Variants in ZNF385D observed in about 807,000 individuals in gnomAD.
ZNF385D encodes the protein zinc finger protein 385D, also known as zinc finger protein 659.
ZNF385D carries 15 observed loss-of-function variants against 35.8 expected under a neutral mutation model. The observed-to-expected ratio is 0.42, with a 90% confidence interval of 0.28 to 0.64. The LOEUF is 0.64. Among genes scored for constraint, ZNF385D ranks in the 30% least tolerant of loss-of-function variants. ZNF385D has a pLI of 0.23. For synonymous variants in ZNF385D, 212 were observed against 186.8 expected (o/e 1.13, Z -1.10); for missense variants, 474 against 494.6 (o/e 0.96, Z 0.39).
intron 2 of ZNF385D, among the ~76,000 whole-genome samples, chr3:22,343,720 TCA>T (rs2125483421): frequency 6.6e-6 from 1 of 152,322 alleles, no homozygotes; most frequent in African/African-American, 2.4e-5. Context: ...CCTACTAAAG[TCA>T]GTTTTTAATG....
intron 2 of ZNF385D, among the ~76,000 whole-genome samples, chr3:22,338,613 C>T (rs1026577572): frequency 6.6e-6 from 1 of 151,440 alleles, no homozygotes; most frequent in Non-Finnish European, 1.5e-5. Flanking sequence ...GAGTTGCTTT[C>T]ACAGTACAGA....
intron 2 of ZNF385D, among the ~76,000 whole-genome samples, chr3:22,172,166 A>C (rs910584596): frequency 3.9e-5 from 6 of 152,194 alleles, no homozygotes; most frequent in Non-Finnish European, 8.8e-5. Flanking sequence ...CCATTAAGAC[A>C]CTGGAAAGAT....
intron 3 of ZNF385D, among the ~76,000 whole-genome samples, chr3:21,968,463 C>T (rs1201990632): frequency 6.6e-6 from 1 of 152,128 alleles, no homozygotes; most frequent in Non-Finnish European, 1.5e-5. Flanking sequence ...GTCATCCCTC[C>T]CCCAGCCCCA....
intron 3 of ZNF385D, among the ~76,000 whole-genome samples, chr3:22,118,361 T>C (rs555106196): frequency 6.6e-6 from 1 of 152,188 alleles, no homozygotes; most frequent in Non-Finnish European, 1.5e-5. Flanking sequence ...GTAAGAAATC[T>C]TAGAAAACTG....
At chr3:21,464,874 A>G (rs1216226156) in intron 4 of ZNF385D, among the ~76,000 whole-genome samples, 7 of 152,048 alleles carry the variant, frequency 4.6e-5, no homozygotes, top group Non-Finnish European at 1.0e-4. Context: ...TGAAAATGAG[A>G]TATTACCCTT....
chr3:21,736,971 G>A (rs529523875), intron 1 of ZNF385D, among the ~76,000 whole-genome samples: 2 of 152,008 alleles, frequency 1.3e-5, no homozygotes, highest in Non-Finnish European at 2.9e-5. Flanking sequence ...GCGGAGTCTC[G>A]CTCCGTCGCC....
At chr3:21,967,337 T>C (rs1364281391) in intron 3 of ZNF385D, among the ~76,000 whole-genome samples, 1 of 152,230 alleles carries the variant, frequency 6.6e-6, no homozygotes, top group Non-Finnish European at 1.5e-5. Flanking sequence ...AGCAGCTTTA[T>C]CTTAAAGCCA....
At chr3:22,258,070 T>C (rs1284686134) in intron 2 of ZNF385D, among the ~76,000 whole-genome samples, 1 of 151,736 alleles carries the variant, frequency 6.6e-6, no homozygotes, top group African/African-American at 2.4e-5. Flanking sequence ...AGAGGTACAA[T>C]GAGATATAAT....
At chr3:21,798,300 G>C (rs2072243935) in intron 3 of ZNF385D, among the ~76,000 whole-genome samples, 1 of 152,208 alleles carries the variant, frequency 6.6e-6, no homozygotes. Context: ...ATGTCAGCTA[G>C]AACTGCTCTC....
chr3:21,922,852 C>T (rs1023607991), intron 3 of ZNF385D, among the ~76,000 whole-genome samples: 1 of 152,102 alleles, frequency 6.6e-6, no homozygotes, highest in African/African-American at 2.4e-5. Context: ...AGACAACCTA[C>T]AGAATGGGAG....
chr3:22,236,098 G>C (rs1361672023), intron 2 of ZNF385D, among the ~76,000 whole-genome samples: 1 of 151,892 alleles, frequency 6.6e-6, no homozygotes, highest in Non-Finnish European at 1.5e-5. Flanking sequence ...TATACAATCA[G>C]CACAAATAAT....
intron 2 of ZNF385D, among the ~76,000 whole-genome samples, chr3:22,188,054 A>G (rs1346961623): frequency 1.3e-5 from 2 of 152,190 alleles, no homozygotes; most frequent in Admixed American, 6.6e-5. Context: ...TCACCTTTCA[A>G]TACCAGAAAT....
intron 3 of ZNF385D, among the ~76,000 whole-genome samples, chr3:22,035,696 C>A (rs1312180523): frequency 2.6e-5 from 4 of 152,128 alleles, no homozygotes; most frequent in Non-Finnish European, 2.9e-5. Flanking sequence ...CCCTAGAAAA[C>A]AAGCAATGGG....
chr3:22,173,972 A>G (rs897499222), intron 2 of ZNF385D, among the ~76,000 whole-genome samples: 5 of 151,952 alleles, frequency 3.3e-5, no homozygotes, highest in Non-Finnish European at 7.4e-5. Flanking sequence ...ACCTCAACTG[A>G]TTCCTTCTAT....
At chr3:22,079,649 G>A (rs894990879) in intron 3 of ZNF385D, among the ~76,000 whole-genome samples, 1 of 151,944 alleles carries the variant, frequency 6.6e-6, no homozygotes, top group Non-Finnish European at 1.5e-5. Flanking sequence ...CACTAAAGAA[G>A]ATTATTTTGG....
intron 2 of ZNF385D, among the ~76,000 whole-genome samples, chr3:22,186,479 T>C (rs1695638776): frequency 6.6e-6 from 1 of 152,174 alleles, no homozygotes; most frequent in Non-Finnish European, 1.5e-5. Context: ...GGCATGACCA[T>C]CTCTGTCGTC....
At chr3:21,973,267 A>G (rs1331787772) in intron 3 of ZNF385D, among the ~76,000 whole-genome samples, 3 of 152,030 alleles carry the variant, frequency 2.0e-5, no homozygotes, top group Non-Finnish European at 1.5e-5. Context: ...TTCAACATAC[A>G]GAAGTCAATC....
chr3:21,543,971 G>T (rs2062281326), intron 3 of ZNF385D, among the ~76,000 whole-genome samples: 1 of 152,118 alleles, frequency 6.6e-6, no homozygotes, highest in Admixed American at 6.5e-5. Context: ...GTTTCTTAAA[G>T]GACCCCACCT....
rs780100988 is a variant in ZNF385D, at chr3:21,584,159, A to G, written c.166-19475T>C. On this transcript the variant is annotated intron_variant, in intron 2 of 7. Coordinates refer to ENST00000281523, the MANE Select transcript of ZNF385D (RefSeq NM_024697.3). ...AGGCTAATTTTTGTATTTTTACTAT[A>G]GACGGGGTTTCACCATCTCAGTTTG... Among the ~76,000 whole-genome samples the G allele has an allele frequency of 4.8e-4, 73 of 151,442 alleles. 1 individual carries two copies. The highest frequency in any genetic ancestry group is 3.4e-3 in the Middle Eastern group (1 of 292).
Sources: allele counts gnomAD v4.1 joint callset (sites outside exome capture counted in the v4.1 genomes callset), GRCh38; gene constraint gnomAD v4.1.1; transcripts MANE v1.5; gene names NCBI Gene and HGNC (gene_info 2026-07-23, HGNC 2026-07-21).